Variants in SETD1B observed in about 807,000 individuals in gnomAD.
SETD1B encodes the protein histone-lysine N-methyltransferase SETD1B.
Under a neutral mutation model 148.0 loss-of-function variants are expected in SETD1B, and 7 were observed. The ratio of observed to expected loss-of-function variants is 0.05; its 90% CI spans 0.03 to 0.09. SETD1B has a LOEUF of 0.09. SETD1B is among the 10% of genes least tolerant of loss of function. The pLI, the probability that SETD1B is intolerant of heterozygous loss-of-function variation, is 1.00. For missense variants in SETD1B, 2,155 were observed against 2,729.9 expected, an observed-to-expected ratio of 0.79 and a Z score of 4.69; for synonymous variants, 1,361 against 1,186.5, an observed-to-expected ratio of 1.15 and a Z score of -3.02.
At chr12:121,799,728 GGGTGGGGT>G (rs1399820881), upstream of SETD1B, 12 of 110,006 alleles carry the variant, frequency 1.1e-4, 1 homozygote, top group African/African-American at 2.0e-4. Context: ...GGGGGGGGGG[GGGTGGGGT>G]GGGGCGGGGC....
Position 121,830,512 on chromosome 12 carries a change from TCTCTCTCTCCGTCTCTCCTCCC to T in SETD1B, c.*283_*304del, listed in dbSNP as rs1877043962. 3 of 361,778 alleles carry T rather than the reference TCTCTCTCTCCGTCTCTCCTCCC, an allele frequency of 8.3e-6. No homozygotes were observed. The South Asian group carries it at 1.6e-4, about 19-fold the overall frequency. The allele number at this position is 361,778 out of a possible 1,614,324, so 22.4% of individuals were successfully genotyped here. A position where few individuals can be genotyped will look rare whatever the true frequency, so the allele number is the denominator to read the frequency against. The stretch of plus-strand genomic sequence containing the variant: ...TTTCTGTTTAACTCCAGCATCAGCT[TCTCTCTCTCCGTCTCTCCTCCC>T]CTCTCTCTCTTCTCTGTCTCTTCTC... On this transcript the variant is annotated 3_prime_UTR_variant, in exon 17 of 17. Transcript: ENST00000604567. This position sits in a 1 kb window ranked among gnomAD's most constrained non-coding sequence, Gnocchi z 5.7.
In SETD1B at chr12:121,820,994, C is replaced by T. The variant is rs542655487; in HGVS notation, c.3910+1099C>T. Among the ~76,000 whole-genome samples, 11 of 152,310 alleles carry T rather than the reference C, an allele frequency of 7.2e-5. No individual in the cohort carries two copies. In the South Asian group the frequency reaches 1.0e-3, roughly 14 times the overall value. On this transcript the variant is annotated intron_variant, in intron 11 of 16. Coordinates refer to ENST00000604567, the MANE Select transcript of SETD1B (RefSeq NM_001353345.2). Reference sequence around the variant, plus strand: ...TGTATATGGAGGGCGATCGCCTATACGTGGGTTCTGCAAGGCAGACTACAA... The same window carrying T: ...TGTATATGGAGGGCGATCGCCTATATGTGGGTTCTGCAAGGCAGACTACAA...
In SETD1B at chr12:121,814,425, C is replaced by T. The variant is rs1235576836; in HGVS notation, c.2210C>T (p.Pro737Leu). ...CCCTTGCCAGCGCCGCCTGGAGTCCCGCCCCCACCCATCCTGCCACCACTG... is the reference window on the plus strand; with the variant it reads ...CCCTTGCCAGCGCCGCCTGGAGTCCTGCCCCCACCCATCCTGCCACCACTG... ...PPPLPAPPGV[P>L]PPPILPPLPP... The change falls in exon 7 of 17, where the codon CCG becomes CTG. Residue 737 changes from proline (P) to leucine (L), a missense_variant. Pro to Leu is a moderately conservative substitution (Grantham distance 98). This residue lies in a region of SETD1B where 295 missense variants were observed against 303.8 expected (regional missense o/e 0.97). Coordinates refer to ENST00000604567, the MANE Select transcript of SETD1B (RefSeq NM_001353345.2). 12 of 1,433,338 alleles carry T rather than the reference C, an allele frequency of 8.4e-6. No homozygotes were observed. The highest frequency in any genetic ancestry group is 9.2e-6 in the Non-Finnish European group (10 of 1,090,608). 88.8% of individuals were successfully genotyped at this position (1,433,338 alleles called of 1,614,324 possible). A position where few individuals can be genotyped will look rare whatever the true frequency, so the allele number is the denominator to read the frequency against.
chr12:121,812,408 A>C (rs1876077998), intron 6 of SETD1B, among the ~76,000 whole-genome samples: 1 of 151,840 alleles, frequency 6.6e-6, no homozygotes, highest in South Asian at 2.1e-4. Flanking sequence ...CATCTGCCAA[A>C]TGGGCCTGTG....
chr12:121,819,549 A>T lies in SETD1B; in HGVS notation c.3564A>T (p.Glu1188Asp). ...AGGTAGTGGCCAGGGAAGAGGAGGA[A>T]GAAGAGGAGGAGGAGGAGATGGTGG... is the stretch of plus-strand genomic sequence containing the variant. ...EEEVVAREEE[E>D]EEEEEEMVAE... The change falls in exon 11 of 17, where the codon GAA (glutamate) becomes GAT (aspartate). Residue 1188 changes from glutamate (E) to aspartate (D), a missense_variant. Physicochemically the swap from Glu to Asp is conservative, Grantham distance 45. Transcript: ENST00000604567. The T allele has an allele frequency of 4.5e-6, 7 of 1,551,472 alleles. No individual in the cohort carries two copies. In the South Asian group the frequency reaches 8.3e-5, roughly 18 times the overall value.
Position 121,823,485 on chromosome 12 carries a change from G to T in SETD1B, c.4906G>T (p.Ala1636Ser). 1 of 1,550,466 alleles carries T rather than the reference G, an allele frequency of 6.4e-7. No individual in the cohort carries two copies. The change falls in exon 12 of 17, where the codon GCC becomes TCC. Residue 1636 changes from alanine to serine, a missense_variant. Physicochemically the swap from Ala to Ser is moderately conservative, Grantham distance 99 (BLOSUM62 1). This residue lies in a region of SETD1B where 862 missense variants were observed against 873.8 expected (regional missense o/e 0.99). Coordinates refer to ENST00000604567, the MANE Select transcript of SETD1B (RefSeq NM_001353345.2). ...DEVTEEYMEL[A>S]KSRGPWRRPP... Reference sequence around the variant, plus strand: ...GGTCACTGAGGAATACATGGAGTTGGCCAAGAGCCGGGGGCCGTGGCGCCG... The same window carrying T: ...GGTCACTGAGGAATACATGGAGTTGTCCAAGAGCCGGGGGCCGTGGCGCCG...
chr12:121,814,778 G>A lies in SETD1B; in HGVS notation c.2563G>A (p.Asp855Asn). 2 of 1,551,500 alleles carry A rather than the reference G, an allele frequency of 1.3e-6. No individual in the cohort carries two copies. The highest frequency in any genetic ancestry group is 3.3e-4 in the Middle Eastern group (2 of 5,992). Residue 855 changes from aspartate to asparagine, a missense_variant, in exon 7 of 17, where the codon GAC becomes AAC. Asp to Asn is a conservative substitution (Grantham distance 23, BLOSUM62 1). Around this residue, in one of 11 missense-constraint regions of SETD1B, gnomAD observed 289 missense variants for 423.7 expected, o/e 0.68. Transcript: ENST00000604567. ...PPPGYMPRQE[D>N]PHKATVDGVL... ...ACCAGGCTACATGCCACGCCAGGAG[G>A]ACCCACACAAAGCCACGGTGGATGG...
chr12:121,807,456 AAAAAAG>A (rs1349718962), intron 4 of SETD1B, among the ~76,000 whole-genome samples: 2,419 of 151,374 alleles, frequency 0.016, 16 homozygotes, highest in East Asian at 0.047. Context: ...AAAAAAAAAA[AAAAAAG>A]AAAAGAAAAG....
chr12:121,804,583 A>G lies in SETD1B; in HGVS notation c.-14-141A>G. 1.6e-6 allele frequency: 1 copy of G among 632,322 alleles called. No homozygotes were observed. Among genetic ancestry groups the G allele is most frequent in the South Asian group, 2.0e-5 (1 of 50,116 alleles). The allele number at this position is 632,322 out of a possible 1,614,324, so 39.2% of individuals were successfully genotyped here. A position where few individuals can be genotyped will look rare whatever the true frequency, so the allele number is the denominator to read the frequency against. On this transcript the variant is annotated intron_variant, in intron 1 of 16. Coordinates refer to ENST00000604567, the MANE Select transcript of SETD1B (RefSeq NM_001353345.2). This position sits in a 1 kb window ranked among gnomAD's most constrained non-coding sequence, Gnocchi z 4.6. ...CTCGCTCCATTCTTGTTTTGGGGGG[A>G]GCCAGCGAGACAGCTCCTTTCGGGG...
chr12:121,817,617 G>C lies in SETD1B; in HGVS notation c.3225G>C (p.Glu1075Asp), dbSNP rs531654943. The change falls in exon 9 of 17, where the codon GAG becomes GAC. Residue 1075 changes from glutamate (E) to aspartate (D), a missense_variant. Glu to Asp is a conservative substitution (Grantham distance 45). Coordinates refer to ENST00000604567, the MANE Select transcript of SETD1B (RefSeq NM_001353345.2). The surrounding 1 kb of genome is among the most constrained non-coding windows in gnomAD (Gnocchi z 8.1). ...AGGAGGAGGAACAGGAGAGCACCGA[G>C]GAGGAAGAGGAGGCGGAGGAGGAGG... ...SDKEEEQEST[E>D]EEEEAEEEEE... 1.3e-6 allele frequency: 2 copies of C among 1,551,580 alleles called. No individual in the cohort carries two copies. The highest frequency in any genetic ancestry group is 4.9e-5 in the East Asian group (2 of 40,916).
upstream of SETD1B, chr12:121,799,389 C>T (rs996191534): frequency 3.9e-5 from 6 of 152,186 alleles, no homozygotes; most frequent in African/African-American, 1.2e-4. Context: ...TGGCCGGAAC[C>T]TCGGGTCTCT....
At position 121,831,761 on chromosome 12, in the gene SETD1B, C is replaced by A. The variant is rs1877105846; in HGVS notation, c.*1522C>A. On this transcript the variant is annotated 3_prime_UTR_variant, in exon 17 of 17. Transcript: ENST00000604567. ...AGCGCGCTCCATGAGGGAGCTGCTC[C>A]CACCCTGCGGACGCAGGCGGCCGGA... is the stretch of plus-strand genomic sequence containing the variant. The A allele has an allele frequency of 6.6e-6, 1 of 152,238 alleles. No homozygotes were observed. Among genetic ancestry groups the A allele is most frequent in the Non-Finnish European group, 1.5e-5 (1 of 68,044 alleles). The allele number at this position is 152,238 out of a possible 1,614,324, so 9.4% of individuals were successfully genotyped here.
At position 121,817,614 on chromosome 12, in the gene SETD1B, CGAGGAGGAA is replaced by C. The variant is rs1566553974; in HGVS notation, c.3230_3238del (p.Glu1077_Glu1079del). On this transcript the variant is annotated inframe_deletion, in exon 9 of 17. Coordinates refer to ENST00000604567, the MANE Select transcript of SETD1B (RefSeq NM_001353345.2). The surrounding 1 kb of genome is among the most constrained non-coding windows in gnomAD (Gnocchi z 8.1). ...ACAAGGAGGAGGAACAGGAGAGCAC[CGAGGAGGAA>C]GAGGAGGCGGAGGAGGAGGAGGAGG... 1 of 1,551,488 alleles carries C rather than the reference CGAGGAGGAA, an allele frequency of 6.4e-7. No individual in the cohort carries two copies. Among genetic ancestry groups the C allele is most frequent in the Non-Finnish European group, 8.7e-7 (1 of 1,146,880 alleles).
chr12:121,790,331 G>C, the SETD1B span, among the ~76,000 whole-genome samples: 1 of 152,234 alleles, frequency 6.6e-6, no homozygotes, highest in Non-Finnish European at 1.5e-5. Context: ...TTGGGTTCTA[G>C]AACTTTCTAC....
In SETD1B at chr12:121,819,529, G is replaced by A. The variant is rs1221438644; in HGVS notation, c.3544G>A (p.Val1182Met). The A allele has an allele frequency of 2.6e-6, 4 of 1,552,500 alleles. No individual in the cohort carries two copies. In the East Asian group the frequency reaches 9.8e-5, roughly 38 times the overall value. Residue 1182 changes from valine (V) to methionine (M), a missense_variant, in exon 11 of 17, where the codon GTG (valine) becomes ATG (methionine). Val to Met is a conservative substitution (Grantham distance 21, BLOSUM62 1). This residue lies in a region of SETD1B where 862 missense variants were observed against 873.8 expected (regional missense o/e 0.99). Coordinates refer to ENST00000604567, the MANE Select transcript of SETD1B (RefSeq NM_001353345.2). ...ATCCTCGGAGGATGAGGAGGAGGTA[G>A]TGGCCAGGGAAGAGGAGGAAGAAGA... ...PSSSEDEEEV[V>M]AREEEEEEEE... is the part of the protein sequence containing the mutation.
At position 121,815,585 on chromosome 12, in the gene SETD1B, C is replaced by T. The variant is rs147246627; in HGVS notation, c.2715+655C>T. Among the ~76,000 whole-genome samples the T allele has an allele frequency of 2.5e-4, 38 of 152,268 alleles. 1 individual carries two copies. The highest frequency in any genetic ancestry group is 9.1e-4 in the African/African-American group (38 of 41,550). ...AGTGTAGTGGCGCAATCATAGCTCA[C>T]TGCACCCTCAACCTCCCTGTGCTCA... On this transcript the variant is annotated intron_variant, in intron 7 of 16. Transcript: ENST00000604567.
At chr12:121,803,091 A>T (rs1592970058), upstream of SETD1B, 1 of 151,576 alleles carries the variant, frequency 6.6e-6, no homozygotes, top group African/African-American at 2.4e-5. The surrounding 1 kb of genome is among the most constrained non-coding windows in gnomAD (Gnocchi z 4.7). Context: ...AATATGAGCT[A>T]CACCAGCTCC....
chr12:121,825,671 G>T (rs1453680783), intron 13 of SETD1B, among the ~76,000 whole-genome samples: 2 of 151,900 alleles, frequency 1.3e-5, no homozygotes, highest in Non-Finnish European at 2.9e-5. Flanking sequence ...GGGGGACAAA[G>T]CCTTGCTCTG....
Position 121,827,557 on chromosome 12 carries a change from G to A in SETD1B, c.5376G>A (p.Arg1792=). ...CAGCACAGCCCCACGCCTCCACCCG[G>A]GCAGGCTCGGAGCGGCGTTCGGAGC... ...SIPAQPHAST[R]AGSERRSEQR... is the part of the protein sequence containing the mutation. The change falls in exon 14 of 17, where the codon CGG becomes CGA. Residue 1792 remains arginine (R), a synonymous_variant. Transcript: ENST00000604567. 2.6e-6 allele frequency: 4 copies of A among 1,548,564 alleles called. No homozygotes were observed. Among genetic ancestry groups the A allele is most frequent in the Middle Eastern group, 1.7e-4 (1 of 5,988 alleles).
Sources: allele counts gnomAD v4.1 joint callset (sites outside exome capture counted in the v4.1 genomes callset), GRCh38; gene constraint gnomAD v4.1.1; regional missense constraint gnomAD v4.1.1; non-coding constraint Gnocchi (gnomAD v3.1); transcripts MANE v1.5; gene names NCBI Gene and HGNC (gene_info 2026-07-23, HGNC 2026-07-21).